NRAP: variants seen among roughly 807,000 people sequenced by gnomAD.
NRAP encodes the protein nebulin related anchoring protein.
In NRAP, 189 loss-of-function variants were observed where a neutral mutation model predicts 225.9. That is an observed-to-expected ratio of 0.84 (90% CI 0.74 to 0.94). NRAP has a LOEUF of 0.94. Among genes scored for constraint, NRAP ranks in the 40% least tolerant of loss-of-function variants. The pLI is 0.00. For synonymous variants in NRAP, 769 were observed against 790.7 expected, an observed-to-expected ratio of 0.97 and a Z score of 0.46; for missense variants, 2,176 against 2,168.7, an observed-to-expected ratio of 1.00 and a Z score of -0.07.
intron 35 of NRAP, 69 bp from the exon 36 acceptor site, chr10:113,598,142 C>T (rs1174222285): frequency 3.2e-6 from 3 of 929,982 alleles, no homozygotes; most frequent in Non-Finnish European, 5.4e-6. Context: ...TCAAGAAGAT[C>T]CTTGATTTGT....
chr10:113,623,752 C>G (rs1372334299), intron 22 of NRAP, 116 bp from the exon 23 acceptor site: 4 of 681,522 alleles, frequency 5.9e-6, no homozygotes, highest in Admixed American at 2.3e-5. Context: ...TTATTACGTC[C>G]TTCTCTGAGA....
At chr10:113,663,479 C>T (rs767871897) in intron 1 of NRAP, 33 bp from the exon 2 acceptor site, 8 of 1,270,896 alleles carry the variant, frequency 6.3e-6, no homozygotes, top group Non-Finnish European at 9.2e-6. Context: ...TTAGCAATTA[C>T]CCTTTTCCCC....
In NRAP at chr10:113,626,182, T is replaced by A. The variant is rs764461206; in HGVS notation, c.2146-37A>T. 5.4e-6 allele frequency: 8 copies of A among 1,475,160 alleles called. No homozygotes were observed. The Admixed American group carries it at 9.7e-5, about 18-fold the overall frequency. The allele number at this position is 1,475,160 out of a possible 1,614,324, so 91.4% of individuals were successfully genotyped here. On this transcript the variant is annotated intron_variant, in intron 20 of 41. Transcript: ENST00000359988. ...GGAAAGGGACCCCACAGCATTAGGA[T>A]TGGGTTGCCCCTACCACCCTACTCA...
intron 3 of NRAP, among the ~76,000 whole-genome samples, chr10:113,661,323 A>G (rs1850662580): frequency 6.6e-6 from 1 of 152,188 alleles, no homozygotes; most frequent in Non-Finnish European, 1.5e-5. Context: ...AAAAGAAATA[A>G]TAAACTCACA....
intron 37 of NRAP, 136 bp from the exon 38 acceptor site, chr10:113,595,863 A>G: frequency 1.8e-6 from 1 of 542,972 alleles, no homozygotes; most frequent in East Asian, 3.1e-5. Context: ...CTGCCCATGG[A>G]CAGTGTCCCT....
At chr10:113,648,463 CTCTCTATATA>C (rs1261525661) in intron 9 of NRAP, among the ~76,000 whole-genome samples, 203 of 119,840 alleles carry the variant, frequency 1.7e-3, no homozygotes, top group African/African-American at 6.3e-3. Context: ...CTCTCTCTCT[CTCTCTATATA>C]TATATATATA....
intron 3 of NRAP, 39 bp from the exon 4 acceptor site, chr10:113,657,613 A>G: frequency 1.7e-6 from 2 of 1,180,572 alleles, no homozygotes; most frequent in Non-Finnish European, 2.5e-6. Context: ...TTTCCATCAG[A>G]AAAGAGAAAA....
intron 25 of NRAP, 72 bp from the exon 26 acceptor site, chr10:113,617,625 T>G (rs1395335703): frequency 1.1e-6 from 1 of 911,480 alleles, no homozygotes; most frequent in East Asian, 2.4e-5. Context: ...GAGAAAATCA[T>G]AGGTTGCTTG....
At chr10:113,627,304 C>T (rs1360131659) in intron 20 of NRAP, among the ~76,000 whole-genome samples, 1 of 152,174 alleles carries the variant, frequency 6.6e-6, no homozygotes, top group Non-Finnish European at 1.5e-5. Context: ...GGTCAAATCA[C>T]AAGTACTTGC....
intron 14 of NRAP, among the ~76,000 whole-genome samples, chr10:113,637,748 A>G (rs1592827906): frequency 6.6e-6 from 1 of 152,138 alleles, no homozygotes; most frequent in Admixed American, 6.5e-5. Flanking sequence ...ACAGGGAGAA[A>G]CACCATCTCT....
At chr10:113,622,265 C>T in intron 23 of NRAP, 85 bp from the exon 24 acceptor site, 4 of 882,692 alleles carry the variant, frequency 4.5e-6, no homozygotes, top group Non-Finnish European at 7.2e-6. Flanking sequence ...GGAGCTGAAA[C>T]AAAGCCATTG....
In NRAP at chr10:113,642,920, C is replaced by G; in HGVS notation, c.1215+14G>C. 1 of 1,410,932 alleles carries G rather than the reference C, an allele frequency of 7.1e-7. No homozygotes were observed. The highest frequency in any genetic ancestry group is 1.0e-6 in the Non-Finnish European group (1 of 994,628). The allele number at this position is 1,410,932 out of a possible 1,614,324, so 87.4% of individuals were successfully genotyped here. On this transcript the variant is annotated intron_variant, in intron 12 of 41. Coordinates refer to ENST00000359988, the MANE Select transcript of NRAP (RefSeq NM_198060.4). The stretch of plus-strand genomic sequence containing the variant: ...CAACAGTGCCCAAACAAAAGCTTAG[C>G]GTTAACAACTCACATCACTGGTAAA...
At chr10:113,603,498 C>T (rs965868771) in intron 35 of NRAP, among the ~76,000 whole-genome samples, 6 of 152,106 alleles carry the variant, frequency 3.9e-5, no homozygotes, top group Non-Finnish European at 7.4e-5. Flanking sequence ...CCCACATGAC[C>T]TCATCCCTAA....
At position 113,604,899 on chromosome 10, in the gene NRAP, CAA is replaced by C; in HGVS notation, c.3935_3936del (p.Phe1312CysfsTer97). ...IASDFLYRHD[F>X]VKERGKLIGP... ...CCTATGAGTTTCCCTCGCTCCTTCA[CAA>C]AGTCATGTCTGTAGAGAAACTGCAA... On this transcript the variant is annotated frameshift_variant, in exon 35 of 42. Transcript: ENST00000359988. LOFTEE classifies it high-confidence loss of function. 2 of 1,613,692 alleles carry C rather than the reference CAA, an allele frequency of 1.2e-6. No individual in the cohort carries two copies. The highest frequency in any genetic ancestry group is 1.1e-5 in the South Asian group (1 of 91,048).
At chr10:113,607,275 G>T (rs1189360133) in intron 32 of NRAP, among the ~76,000 whole-genome samples, 23 of 150,900 alleles carry the variant, frequency 1.5e-4, no homozygotes, top group Non-Finnish European at 1.5e-5. Flanking sequence ...GGTGGCAGGC[G>T]CCTGTAACCC....
chr10:113,632,077 G>A (rs1019763540), intron 16 of NRAP, 113 bp from the exon 17 acceptor site: 12 of 697,356 alleles, frequency 1.7e-5, no homozygotes, highest in Middle Eastern at 2.5e-4. Flanking sequence ...CCAGAGGCTC[G>A]GCTGTTGTTA....
In NRAP at chr10:113,589,073, C is replaced by T; in HGVS notation, c.5095G>A (p.Ala1699Thr). The stretch of plus-strand genomic sequence containing the variant: ...TGATCTCCAGCCTCCACTGCTTCTG[C>T]CCCCCGCTGCTGAAATCAAACATAC... Reference protein sequence around the residue: ...GLGLQGAYRGAEAVEAGDHQS... With the variant: ...GLGLQGAYRGTEAVEAGDHQS... Residue 1699 changes from alanine to threonine, a missense_variant, in exon 42 of 42, where the codon GCA becomes ACA. By Grantham distance (58) the Ala-to-Thr change is moderately conservative. This residue lies in a region of NRAP where 445 missense variants were observed against 426.1 expected (regional missense o/e 1.04). Coordinates refer to ENST00000359988, the MANE Select transcript of NRAP (RefSeq NM_198060.4). The T allele has an allele frequency of 1.2e-6, 2 of 1,613,028 alleles. No individual in the cohort carries two copies. Among genetic ancestry groups the T allele is most frequent in the Non-Finnish European group, 1.7e-6 (2 of 1,179,354 alleles).
intron 40 of NRAP, 46 bp from the exon 41 acceptor site, chr10:113,589,843 G>C: frequency 1.2e-6 from 2 of 1,600,662 alleles, no homozygotes; most frequent in Non-Finnish European, 1.7e-6. Flanking sequence ...GCAGGGTTTG[G>C]AGCGGTTTGA....
chr10:113,624,969 G>T (rs749645028), intron 21 of NRAP, 39 bp from the exon 22 acceptor site: 1 of 1,281,934 alleles, frequency 7.8e-7, no homozygotes, highest in South Asian at 1.2e-5. Flanking sequence ...CAGGTGGCAA[G>T]GGCGAGGTGG....
Sources: allele counts gnomAD v4.1 joint callset (sites outside exome capture counted in the v4.1 genomes callset), GRCh38; gene constraint gnomAD v4.1.1; regional missense constraint gnomAD v4.1.1; transcripts MANE v1.5; gene names NCBI Gene and HGNC (gene_info 2026-07-23, HGNC 2026-07-21).